Variants in ANKRD17 observed in about 807,000 individuals in gnomAD.
ANKRD17 encodes the protein ankyrin repeat domain 17.
In ANKRD17, 19 loss-of-function variants were observed where a neutral mutation model predicts 229.7. The ratio of observed to expected loss-of-function variants is 0.08; its 90% CI spans 0.06 to 0.12. ANKRD17 has a LOEUF of 0.12. ANKRD17 is among the 10% of genes least tolerant of loss of function. ANKRD17 has a pLI of 1.00. For missense variants in ANKRD17, 2,176 were observed against 3,176.8 expected (o/e 0.68, Z 7.57); for synonymous variants, 1,112 against 1,146.1 (o/e 0.97, Z 0.60).
At chr4:73,212,813 C>T (rs1262971775) in intron 1 of ANKRD17, among the ~76,000 whole-genome samples, 3 of 150,822 alleles carry the variant, frequency 2.0e-5, no homozygotes, top group African/African-American at 4.9e-5. Context: ...ATCAGGAGTT[C>T]GAGACCAGCC....
At chr4:73,115,242 A>G (rs549160551) in intron 23 of ANKRD17, among the ~76,000 whole-genome samples, 24 of 152,266 alleles carry the variant, frequency 1.6e-4, no homozygotes, top group Middle Eastern at 3.4e-3. Flanking sequence ...TGTTGCTTTG[A>G]ATTACTTAGT....
chr4:73,247,782 A>AC (rs1744630147), intron 1 of ANKRD17, among the ~76,000 whole-genome samples: 1 of 152,032 alleles, frequency 6.6e-6, no homozygotes, highest in African/African-American at 2.4e-5. Context: ...ATCAATAAAA[A>AC]TTTCAGCAAG....
In ANKRD17 at chr4:73,098,185, T is replaced by G; in HGVS notation, c.4909A>C (p.Asn1637His). ...GTAGTGACCACAGCTGGTGAATGAT[T>G]GTCACTCTTACGACTGCTGTTGCTG... is the stretch of plus-strand genomic sequence containing the variant. ...SNSNSSRKSD[N>H]HSPAVVTTTV... The change falls in exon 26 of 34, where the codon AAT becomes CAT. Residue 1637 changes from asparagine to histidine, a missense_variant. Physicochemically the swap from Asn to His is moderately conservative, Grantham distance 68 (BLOSUM62 1). Around this residue, in one of 18 missense-constraint regions of ANKRD17, gnomAD observed 98 missense variants for 101.0 expected, o/e 0.97. Coordinates refer to ENST00000358602, the MANE Select transcript of ANKRD17 (RefSeq NM_032217.5). 6.2e-7 allele frequency: 1 copy of G among 1,614,218 alleles called. No homozygotes were observed. Among genetic ancestry groups the G allele is most frequent in the Non-Finnish European group, 8.5e-7 (1 of 1,180,030 alleles).
At chr4:73,195,176 A>G (rs1434483143) in intron 1 of ANKRD17, among the ~76,000 whole-genome samples, 1 of 152,154 alleles carries the variant, frequency 6.6e-6, no homozygotes, top group African/African-American at 2.4e-5. Context: ...TGGATCAGTA[A>G]ACGTTAAACA....
At chr4:73,216,651 G>A (rs1003709363) in intron 1 of ANKRD17, among the ~76,000 whole-genome samples, 1 of 152,100 alleles carries the variant, frequency 6.6e-6, no homozygotes, top group Non-Finnish European at 1.5e-5. Context: ...TCATTCAGAG[G>A]ATTAAATAAA....
intron 21 of ANKRD17, 30 bp from the exon 22 acceptor site, chr4:73,118,880 CTT>C (rs751549226): frequency 0.07 from 53,263 of 766,320 alleles, no homozygotes; most frequent in Middle Eastern, 0.082. Flanking sequence ...ATAGCATTGT[CTT>C]TTTTTTTTTT....
At chr4:73,234,181 C>T (rs1449511477) in intron 1 of ANKRD17, among the ~76,000 whole-genome samples, 1 of 152,122 alleles carries the variant, frequency 6.6e-6, no homozygotes, top group Non-Finnish European at 1.5e-5. Context: ...TTTACATATG[C>T]AGACAGTTCC....
At chr4:73,187,996 A>G (rs1199152802) in intron 1 of ANKRD17, among the ~76,000 whole-genome samples, 2 of 152,198 alleles carry the variant, frequency 1.3e-5, no homozygotes, top group African/African-American at 4.8e-5. Context: ...TTCATAGTGA[A>G]CTAGAACTTA....
intron 16 of ANKRD17, among the ~76,000 whole-genome samples, chr4:73,132,374 G>A (rs565797189): frequency 3.3e-5 from 5 of 152,238 alleles, no homozygotes; most frequent in Admixed American, 1.3e-4. Context: ...CTCCCAGAGC[G>A]CTGGCATTAC....
intron 1 of ANKRD17, among the ~76,000 whole-genome samples, chr4:73,188,314 T>C (rs1285130507): frequency 3.9e-5 from 6 of 152,100 alleles, no homozygotes; most frequent in African/African-American, 1.4e-4. Context: ...AGGCCAGGTA[T>C]GGTGGCTCAC....
At chr4:73,155,502 ATG>A in intron 5 of ANKRD17, 127 bp downstream of exon 5, 1 of 948,644 alleles carries the variant, frequency 1.1e-6, no homozygotes, top group Non-Finnish European at 1.6e-6. Flanking sequence ...TCATACACAG[ATG>A]TGTGAGAATA....
rs1284235594 is a variant in ANKRD17, at chr4:73,074,667, C to T, written c.*1564G>A. The T allele has an allele frequency of 6.6e-6, 1 of 151,762 alleles. No homozygotes were observed. The highest frequency in any genetic ancestry group is 1.5e-5 in the Non-Finnish European group (1 of 67,812). The allele number at this position is 151,762 out of a possible 1,614,324, so 9.4% of individuals were successfully genotyped here. A position where few individuals can be genotyped will look rare whatever the true frequency, so the allele number is the denominator to read the frequency against. ...AGAAATCATTTGATTTACTTGACAA[C>T]CAAGGAACCATGTTAATATCATCAA... On this transcript the variant is annotated 3_prime_UTR_variant, in exon 34 of 34. Transcript: ENST00000358602.
chr4:73,125,822 C>T (rs180893108), intron 16 of ANKRD17, among the ~76,000 whole-genome samples: 1 of 151,430 alleles, frequency 6.6e-6, no homozygotes, highest in East Asian at 1.9e-4. Flanking sequence ...AAAAAGGCTA[C>T]AAACATCAAG....
At chr4:73,120,100 G>T in intron 21 of ANKRD17, 62 bp downstream of exon 21, 1 of 1,504,838 alleles carries the variant, frequency 6.6e-7, no homozygotes, top group Non-Finnish European at 9.2e-7. Context: ...TAATTGCCTA[G>T]AGAGAATGAT....
chr4:73,242,929 TACTC>T (rs1744174945), intron 1 of ANKRD17, among the ~76,000 whole-genome samples: 1 of 152,288 alleles, frequency 6.6e-6, no homozygotes, highest in African/African-American at 2.4e-5. Context: ...CAGTGCAACT[TACTC>T]AGTTAAGGCA....
intron 29 of ANKRD17, among the ~76,000 whole-genome samples, chr4:73,088,155 A>G (rs1722396293): frequency 6.6e-6 from 1 of 152,232 alleles, no homozygotes; most frequent in African/African-American, 2.4e-5. Context: ...AACAGATCTG[A>G]GTCTAAAATA....
Position 73,191,341 on chromosome 4 carries a change from A to ATATGTGTGTGTGTGTGTGTGTGTG in ANKRD17, c.394-13809_394-13808insCACACACACACACACACACACATA, listed in dbSNP as rs1553933228. On this transcript the variant is annotated intron_variant, in intron 1 of 33. Transcript: ENST00000358602. ...AATAGGCCCCTACCAAAAAATATATATGTGTGTGTGTGTGTGTGTGTGTGT... is the reference window on the plus strand; with the variant it reads ...AATAGGCCCCTACCAAAAAATATATATATGTGTGTGTGTGTGTGTGTGTGTGTGTGTGTGTGTGTGTGTGTGTGT... Among the ~76,000 whole-genome samples, 203 of 125,274 alleles carry ATATGTGTGTGTGTGTGTGTGTGTG rather than the reference A, an allele frequency of 1.6e-3. 2 individuals carry two copies. Among genetic ancestry groups the ATATGTGTGTGTGTGTGTGTGTGTG allele is most frequent in the East Asian group, 8.3e-3 (34 of 4,080 alleles). 82.2% of individuals were successfully genotyped at this position (125,274 alleles called of 152,430 possible).
At chr4:73,127,217 GA>G (rs375318006) in intron 16 of ANKRD17, among the ~76,000 whole-genome samples, 13 of 152,204 alleles carry the variant, frequency 8.5e-5, no homozygotes, top group African/African-American at 2.6e-4. Flanking sequence ...GCTAAAACAG[GA>G]AAGTCCCAGG....
At chr4:73,227,438 C>A (rs141725274) in intron 1 of ANKRD17, among the ~76,000 whole-genome samples, 2,874 of 152,212 alleles carry the variant, frequency 0.019, 92 homozygotes, top group African/African-American at 0.066. Flanking sequence ...CAGGTGTGAG[C>A]CACCGCACCC....
Sources: allele counts gnomAD v4.1 joint callset (sites outside exome capture counted in the v4.1 genomes callset), GRCh38; gene constraint gnomAD v4.1.1; regional missense constraint gnomAD v4.1.1; transcripts MANE v1.5; gene names NCBI Gene and HGNC (gene_info 2026-07-23, HGNC 2026-07-21).